PHC3: variants seen among roughly 807,000 people sequenced by gnomAD.
PHC3 encodes polyhomeotic-like protein 3.
Under a neutral mutation model 107.4 loss-of-function variants are expected in PHC3, and 13 were observed. The ratio of observed to expected loss-of-function variants is 0.12; its 90% CI spans 0.08 to 0.19. PHC3 has a LOEUF of 0.19. Among genes scored for constraint, PHC3 ranks in the 10% least tolerant of loss-of-function variants. The pLI is 1.00. For synonymous variants in PHC3, 456 were observed against 427.4 expected, an observed-to-expected ratio of 1.07 and a Z score of -0.83; for missense variants, 992 against 1,210.9, an observed-to-expected ratio of 0.82 and a Z score of 2.68.
chr3:170,171,486 A>AG, intron 3 of PHC3, 36 bp from the exon 4 acceptor site: 1 of 1,456,512 alleles, frequency 6.9e-7, no homozygotes, highest in Non-Finnish European at 9.3e-7. Context: ...TGTCGGTAAA[A>AG]ACCTGAAGTT....
At chr3:170,149,307 A>C in intron 4 of PHC3, 63 bp from the exon 5 acceptor site, 1 of 1,498,154 alleles carries the variant, frequency 6.7e-7, no homozygotes, top group Non-Finnish European at 9.0e-7. Flanking sequence ...ACTGAATTTC[A>C]CACCGAGCTG....
intron 7 of PHC3, 80 bp from the exon 8 acceptor site, chr3:170,129,632 C>G: frequency 1.6e-6 from 2 of 1,289,282 alleles, no homozygotes; most frequent in Non-Finnish European, 2.2e-6. Context: ...AAAAAGTGTT[C>G]ATTATCAGAA....
At position 170,128,932 on chromosome 3, in the gene PHC3, G is replaced by T. The variant is rs1228485588; in HGVS notation, c.1540C>A (p.Pro514Thr). Residue 514 changes from proline (P) to threonine (T), a missense_variant, in exon 8 of 15, where the codon CCT becomes ACT. Around this residue, in one of 6 missense-constraint regions of PHC3, gnomAD observed 543 missense variants for 590.8 expected, o/e 0.92. Coordinates refer to ENST00000495893, the MANE Select transcript of PHC3 (RefSeq NM_024947.4). ...LQSSPIPIAS[P>T]PQMSTSPPAQ... ...GGAGGAGATGTCGACATCTGTGGAG[G>T]ACTTGCAATTGGGATTGGAGAGGAC... 6.2e-7 allele frequency: 1 copy of T among 1,614,024 alleles called. No homozygotes were observed.
intron 4 of PHC3, among the ~76,000 whole-genome samples, chr3:170,152,166 G>A (rs1447902409): frequency 4.6e-5 from 7 of 151,044 alleles, no homozygotes; most frequent in Admixed American, 3.3e-4. Flanking sequence ...GTTTGTTTTT[G>A]TTTTGTTTTG....
intron 6 of PHC3, among the ~76,000 whole-genome samples, chr3:170,142,388 A>G (rs569712972): frequency 6.6e-6 from 1 of 152,314 alleles, no homozygotes; most frequent in African/African-American, 2.4e-5. Flanking sequence ...AATTTGACCA[A>G]AATCAATCTG....
chr3:170,181,500 T>G (rs1444899455), intron 1 of PHC3, among the ~76,000 whole-genome samples: 4 of 152,124 alleles, frequency 2.6e-5, no homozygotes, highest in South Asian at 2.1e-4. Context: ...GGGGCGCTCC[T>G]GCCTGGAGGG....
At chr3:170,125,359 C>T (rs932910566) in intron 8 of PHC3, among the ~76,000 whole-genome samples, 7 of 152,032 alleles carry the variant, frequency 4.6e-5, no homozygotes, top group Non-Finnish European at 8.8e-5. Flanking sequence ...CTTTAATTTG[C>T]CTTAGTGTCA....
intron 8 of PHC3, among the ~76,000 whole-genome samples, chr3:170,123,124 A>G (rs1720659786): frequency 6.6e-6 from 1 of 152,220 alleles, no homozygotes; most frequent in African/African-American, 2.4e-5. Flanking sequence ...AACATTTTTC[A>G]TAAGCACACT....
chr3:170,122,470 G>C, intron 9 of PHC3, 121 bp downstream of exon 9: 1 of 978,360 alleles, frequency 1.0e-6, no homozygotes, highest in Non-Finnish European at 1.6e-6. Flanking sequence ...AGCTGTAATG[G>C]TGTGCACCTG....
intron 2 of PHC3, among the ~76,000 whole-genome samples, chr3:170,178,140 A>ATTTT (rs1205857388): frequency 3.6e-5 from 5 of 137,582 alleles, no homozygotes; most frequent in Non-Finnish European, 3.2e-5. Flanking sequence ...CTAAAGGAAA[A>ATTTT]TTTTTTTTTT....
chr3:170,145,885 AAC>A (rs1438738534), intron 5 of PHC3, among the ~76,000 whole-genome samples: 6 of 152,224 alleles, frequency 3.9e-5, no homozygotes, highest in Non-Finnish European at 8.8e-5. Flanking sequence ...ATGGGAAGTA[AAC>A]AACTAGTCAC....
rs190984483 is a variant in PHC3 at position 170,157,844 on chromosome 3, T to A, written c.415-8600A>T. 4.3e-3 allele frequency among the ~76,000 whole-genome samples: 657 copies of A among 152,000 alleles called. 7 individuals are homozygous for A. The highest frequency in any genetic ancestry group is 0.034 in the Middle Eastern group (10 of 294). On this transcript the variant is annotated intron_variant, in intron 4 of 14. Transcript: ENST00000495893. ...ACTGAATATACTCTCAGGAAATTTTTAAGAAGAAAATAATAACTAAAAATA... is the reference window on the plus strand; with the variant it reads ...ACTGAATATACTCTCAGGAAATTTTAAAGAAGAAAATAATAACTAAAAATA...
In PHC3 at chr3:170,129,352, G is replaced by A; in HGVS notation, c.1120C>T (p.Pro374Ser). 1 of 1,613,950 alleles carries A rather than the reference G, an allele frequency of 6.2e-7. No individual in the cohort carries two copies. Among genetic ancestry groups the A allele is most frequent in the South Asian group, 1.1e-5 (1 of 91,086 alleles). The change falls in exon 8 of 15, where the codon CCA becomes TCA. Residue 374 changes from proline to serine, a missense_variant. By Grantham distance (74) the Pro-to-Ser change is moderately conservative (BLOSUM62 -1). Coordinates refer to ENST00000495893, the MANE Select transcript of PHC3 (RefSeq NM_024947.4). ...TGTGACTGGGCATTACTGGGAGCTG[G>A]AGGAAGGCCATGGTTCTGGAGTGGT... The part of the protein sequence containing the change: ...CIPLQNHGLP[P>S]APSNAQSQHC...
At chr3:170,163,923 G>A (rs1411330235) in intron 4 of PHC3, among the ~76,000 whole-genome samples, 1 of 150,814 alleles carries the variant, frequency 6.6e-6, no homozygotes, top group East Asian at 1.9e-4. Context: ...AAGCAGGCCA[G>A]GCACAGTGGC....
At chr3:170,153,849 C>G (rs1726437236) in intron 4 of PHC3, among the ~76,000 whole-genome samples, 1 of 152,006 alleles carries the variant, frequency 6.6e-6, no homozygotes, top group Non-Finnish European at 1.5e-5. Context: ...CCTCCACACA[C>G]AACCTTCCCA....
Position 170,171,465 on chromosome 3 carries a change from CT to C in PHC3, c.337-16del. ...GACAAACTTGCCTAAAATAGTAAGA[CT>C]TTTAGAATATGTCGGTAAAAACCTG... On this transcript the variant is annotated splice_polypyrimidine_tract_variant and intron_variant, in intron 3 of 14. Coordinates refer to ENST00000495893, the MANE Select transcript of PHC3 (RefSeq NM_024947.4). 1 of 1,547,330 alleles carries C rather than the reference CT, an allele frequency of 6.5e-7. No individual in the cohort carries two copies. Among genetic ancestry groups the C allele is most frequent in the Non-Finnish European group, 8.7e-7 (1 of 1,143,958 alleles).
intron 2 of PHC3, among the ~76,000 whole-genome samples, chr3:170,174,349 G>T (rs543938564): frequency 6.6e-6 from 1 of 152,156 alleles, no homozygotes; most frequent in African/African-American, 2.4e-5. Context: ...TCCTTAAAAA[G>T]TGTTAATTAC....
chr3:170,131,791 C>T (rs1722297458), intron 7 of PHC3, among the ~76,000 whole-genome samples: 1 of 152,000 alleles, frequency 6.6e-6, no homozygotes, highest in Non-Finnish European at 1.5e-5. Flanking sequence ...GATCTGGGAT[C>T]GTGCCATTGC....
intron 4 of PHC3, among the ~76,000 whole-genome samples, chr3:170,169,058 A>C (rs1170678177): frequency 7.2e-5 from 11 of 151,970 alleles, no homozygotes; most frequent in Admixed American, 7.2e-4. Flanking sequence ...TTTGAATGTC[A>C]TGTTGGTGTG....
Sources: allele counts gnomAD v4.1 joint callset (sites outside exome capture counted in the v4.1 genomes callset), GRCh38; gene constraint gnomAD v4.1.1; regional missense constraint gnomAD v4.1.1; transcripts MANE v1.5; gene names NCBI Gene and HGNC (gene_info 2026-07-23, HGNC 2026-07-21).